The following NOL4 variants were observed in gnomAD, a reference collection of about 807,000 sequenced individuals.
NOL4 encodes nucleolar protein 4.
Under a neutral mutation model 75.9 loss-of-function variants are expected in NOL4, and 17 were observed. The observed-to-expected ratio is 0.22, with a 90% CI of 0.15 to 0.34. The LOEUF is 0.34. NOL4 is among the 10% of genes least tolerant of loss of function. The pLI, the probability that NOL4 is intolerant of heterozygous loss-of-function variation, is 1.00. For missense variants in NOL4, 614 were observed against 793.5 expected, an observed-to-expected ratio of 0.77 and a Z score of 2.72; for synonymous variants, 292 against 289.9, an observed-to-expected ratio of 1.01 and a Z score of -0.07.
chr18:33,936,266 A>G (rs79432958), intron 9 of NOL4, among the ~76,000 whole-genome samples: 3,936 of 152,232 alleles, frequency 0.026, 63 homozygotes, highest in Non-Finnish European at 0.028. Flanking sequence ...TATCCTAATA[A>G]AACAAAGAAA....
In NOL4 at chr18:33,862,713, A is replaced by G. The variant is rs78876452; in HGVS notation, c.1724-9678T>C. 2.2e-3 allele frequency among the ~76,000 whole-genome samples: 335 copies of G among 152,342 alleles called. 3 individuals are homozygous for G. Among genetic ancestry groups the G allele is most frequent in the Admixed American group, 0.019 (289 of 15,308 alleles). On this transcript the variant is annotated intron_variant, in intron 10 of 10. Transcript: ENST00000261592. ...CATCAGAGAAATGCAAATCTAAACC[A>G]CAATGAGATATCATCTCACACCAGT...
intron 10 of NOL4, among the ~76,000 whole-genome samples, chr18:33,863,367 C>T (rs932566800): frequency 2.0e-5 from 3 of 152,068 alleles, no homozygotes; most frequent in Non-Finnish European, 4.4e-5. Context: ...CACATGTATA[C>T]ATATGTAACT....
intron 10 of NOL4, among the ~76,000 whole-genome samples, chr18:33,875,723 T>C (rs377101811): frequency 9.4e-4 from 139 of 147,200 alleles, no homozygotes; most frequent in African/African-American, 3.2e-3. Context: ...GTAGCCTTTT[T>C]CCTTTTGATA....
chr18:33,921,393 T>C (rs1037874922), intron 9 of NOL4, among the ~76,000 whole-genome samples: 1 of 152,124 alleles, frequency 6.6e-6, no homozygotes, highest in Non-Finnish European at 1.5e-5. Context: ...AAGAATATAT[T>C]GCTATGGGTT....
chr18:34,203,830 T>A (rs1212436713), intron 1 of NOL4, among the ~76,000 whole-genome samples: 1 of 151,454 alleles, frequency 6.6e-6, no homozygotes, highest in Admixed American at 6.6e-5. Context: ...ATGAAAGCTA[T>A]ACATTAAAGA....
chr18:34,168,597 T>A (rs578260472), intron 1 of NOL4, among the ~76,000 whole-genome samples: 13 of 151,272 alleles, frequency 8.6e-5, no homozygotes, highest in African/African-American at 2.7e-4. Context: ...ATATATATTT[T>A]AAAAGAAATG....
chr18:33,862,418 A>C (rs144992603), intron 10 of NOL4, among the ~76,000 whole-genome samples: 2,169 of 152,308 alleles, frequency 0.014, 51 homozygotes, highest in African/African-American at 0.049. Context: ...AAATTGACAA[A>C]TGGGATCTAA....
At chr18:33,936,617 C>A (rs1189366894) in intron 9 of NOL4, among the ~76,000 whole-genome samples, 1 of 152,076 alleles carries the variant, frequency 6.6e-6, no homozygotes, top group African/African-American at 2.4e-5. Context: ...TGTCACCCAG[C>A]ATTCCCGCTT....
chr18:34,151,309 C>A (rs1252841746), intron 1 of NOL4, among the ~76,000 whole-genome samples: 1 of 151,734 alleles, frequency 6.6e-6, no homozygotes, highest in East Asian at 1.9e-4. Flanking sequence ...TGGAAGCAAA[C>A]AAGATGTCCT....
At chr18:34,093,139 A>G (rs1378264207) in intron 5 of NOL4, among the ~76,000 whole-genome samples, 5 of 152,238 alleles carry the variant, frequency 3.3e-5, no homozygotes, top group Non-Finnish European at 7.3e-5. Context: ...ATGACAGCCC[A>G]AGAAATCAAA....
intron 6 of NOL4, among the ~76,000 whole-genome samples, chr18:34,012,510 T>C (rs2146341239): frequency 6.6e-6 from 1 of 151,960 alleles, no homozygotes; most frequent in Middle Eastern, 3.4e-3. Context: ...TGTGTGTGTG[T>C]TTATATGCAA....
At chr18:33,922,604 T>C (rs545932272) in intron 9 of NOL4, among the ~76,000 whole-genome samples, 1 of 152,280 alleles carries the variant, frequency 6.6e-6, no homozygotes, top group Admixed American at 6.5e-5. Flanking sequence ...AGCAGACAAA[T>C]TGTCTTTAAT....
At chr18:34,072,518 C>T (rs1194543399) in intron 5 of NOL4, among the ~76,000 whole-genome samples, 1 of 151,956 alleles carries the variant, frequency 6.6e-6, no homozygotes, top group African/African-American at 2.4e-5. Flanking sequence ...TTTAACATGT[C>T]TTTATGGCAA....
intron 2 of NOL4, among the ~76,000 whole-genome samples, chr18:34,112,955 G>A (rs142853744): frequency 1.7e-3 from 253 of 152,190 alleles, no homozygotes; most frequent in African/African-American, 5.9e-3. Context: ...ATGAAAACAC[G>A]TTGTACACCT....
chr18:34,004,817 C>T (rs1422868770), intron 6 of NOL4, among the ~76,000 whole-genome samples: 1 of 151,996 alleles, frequency 6.6e-6, no homozygotes, highest in Non-Finnish European at 1.5e-5. Context: ...CCTATTCCTC[C>T]TCTCAATAAA....
chr18:33,885,760 G>A (rs1448224072), intron 9 of NOL4, among the ~76,000 whole-genome samples: 1 of 152,158 alleles, frequency 6.6e-6, no homozygotes, highest in Non-Finnish European at 1.5e-5. Context: ...AGAACAGTTT[G>A]GAGGTTCCTC....
intron 1 of NOL4, among the ~76,000 whole-genome samples, chr18:34,161,986 T>G (rs1038189527): frequency 5.9e-5 from 9 of 152,188 alleles, no homozygotes; most frequent in Non-Finnish European, 1.2e-4. Flanking sequence ...TCCTCCTAAC[T>G]TCTAAACTAT....
Position 33,852,319 on chromosome 18 carries a change from A to C in NOL4, c.*523T>G, listed in dbSNP as rs2062659457. Reference sequence around the variant, plus strand: ...AAAAAGTTACCAAAGTAAAAATGACAAGTTTGAATGAAAAACAAGTTTTCT... The same window carrying C: ...AAAAAGTTACCAAAGTAAAAATGACCAGTTTGAATGAAAAACAAGTTTTCT... On this transcript the variant is annotated 3_prime_UTR_variant, in exon 11 of 11. Coordinates refer to ENST00000261592, the MANE Select transcript of NOL4 (RefSeq NM_003787.5). 1 of 152,564 alleles carries C rather than the reference A, an allele frequency of 6.6e-6. No homozygotes were observed. Among genetic ancestry groups the C allele is most frequent in the African/African-American group, 2.4e-5 (1 of 41,440 alleles). The allele number at this position is 152,564 out of a possible 1,614,324, so 9.5% of individuals were successfully genotyped here.
chr18:34,098,353 C>G (rs1194063988), intron 4 of NOL4, among the ~76,000 whole-genome samples: 3 of 152,106 alleles, frequency 2.0e-5, no homozygotes, highest in Non-Finnish European at 4.4e-5. Flanking sequence ...GACCAGCACA[C>G]TGTGAGGAAG....
Sources: gnomAD v4.1 joint callset for allele counts (sites outside exome capture counted in the v4.1 genomes callset) on GRCh38, gnomAD v4.1.1 for gene constraint, MANE v1.5 for transcripts, NCBI Gene and HGNC (gene_info 2026-07-23, HGNC 2026-07-21) for gene names.